The following DAB1 variants were observed in gnomAD, a reference collection of about 807,000 sequenced individuals.
DAB1 encodes the protein disabled homolog 1.
In DAB1, 15 loss-of-function variants were observed where a neutral mutation model predicts 64.6. The observed-to-expected ratio is 0.23, with a 90% CI of 0.16 to 0.36. DAB1 has a LOEUF of 0.36. DAB1 is among the 10% of genes least tolerant of loss of function. The pLI is 1.00. For synonymous variants in DAB1, 235 were observed against 251.9 expected (o/e 0.93, Z 0.64); for missense variants, 596 against 706.7 (o/e 0.84, Z 1.78).
intron 7 of DAB1, among the ~76,000 whole-genome samples, chr1:57,546,516 GT>G (rs896142153): frequency 6.6e-6 from 1 of 152,148 alleles, no homozygotes; most frequent in African/African-American, 2.4e-5. Flanking sequence ...TTGAGCCTTA[GT>G]TTTTTCATCT....
At chr1:57,224,934 C>T (rs1224258647) in intron 2 of DAB1, among the ~76,000 whole-genome samples, 1 of 152,282 alleles carries the variant, frequency 6.6e-6, no homozygotes, top group African/African-American at 2.4e-5. Flanking sequence ...AGTGGGCCTA[C>T]ATTAAAACAA....
At chr1:57,151,488 A>T (rs1659662578) in intron 2 of DAB1, among the ~76,000 whole-genome samples, 1 of 152,112 alleles carries the variant, frequency 6.6e-6, no homozygotes, top group African/African-American at 2.4e-5. Flanking sequence ...CAGGTTCCTA[A>T]ATCCCTTCCA....
intron 2 of DAB1, among the ~76,000 whole-genome samples, chr1:57,262,461 G>A (rs1484471839): frequency 6.6e-6 from 1 of 152,178 alleles, no homozygotes; most frequent in Non-Finnish European, 1.5e-5. Context: ...TTCCCCCAGA[G>A]CCACCCATGA....
intron 6 of DAB1, among the ~76,000 whole-genome samples, chr1:57,753,857 G>C (rs1239959247): frequency 6.6e-6 from 1 of 152,238 alleles, no homozygotes; most frequent in African/African-American, 2.4e-5. Context: ...AATGTTAGAA[G>C]TGCAACTTTT....
At position 57,787,859 on chromosome 1, in the gene DAB1, T is replaced by C. The variant is rs927351099; in HGVS notation, n.551+96140A>G. On this transcript the variant is annotated intron_variant and non_coding_transcript_variant, in intron 6 of 20. Coordinates refer to the DAB1 transcript ENST00000485760. The stretch of plus-strand genomic sequence containing the variant: ...TTTTTAAAATGAGGAAACAATTAAA[T>C]ATGTACTTCATCAGAAAAAGATGAG... 3.3e-5 allele frequency among the ~76,000 whole-genome samples: 5 copies of C among 152,152 alleles called. No individual in the cohort carries two copies. The South Asian group carries it at 1.0e-3, about 32-fold the overall frequency.
chr1:57,019,095 T>A (rs1557557400), intron 11 of DAB1, among the ~76,000 whole-genome samples: 1 of 152,210 alleles, frequency 6.6e-6, no homozygotes. Flanking sequence ...CTTGTCACAC[T>A]GCCTTGCAAT....
chr1:57,173,348 A>G (rs912524542), intron 2 of DAB1, among the ~76,000 whole-genome samples: 7 of 152,172 alleles, frequency 4.6e-5, no homozygotes, highest in African/African-American at 1.4e-4. Context: ...CCACATCTGA[A>G]CTCATGTGAT....
intron 2 of DAB1, among the ~76,000 whole-genome samples, chr1:58,512,074 A>T (rs1286627992): frequency 6.6e-6 from 1 of 152,178 alleles, no homozygotes; most frequent in Non-Finnish European, 1.5e-5. Context: ...AACCCAATTT[A>T]AAAAATAGGC....
intron 6 of DAB1, among the ~76,000 whole-genome samples, chr1:57,808,752 T>C (rs1651482423): frequency 1.3e-5 from 2 of 152,362 alleles, no homozygotes; most frequent in East Asian, 3.9e-4. Context: ...CAAAATGCTT[T>C]CACATGCGTT....
chr1:57,408,438 T>G (rs1318566942), intron 1 of DAB1, among the ~76,000 whole-genome samples: 3 of 152,170 alleles, frequency 2.0e-5, no homozygotes. Flanking sequence ...TCAATAAAGA[T>G]TCTCAGTAGC....
intron 5 of DAB1, among the ~76,000 whole-genome samples, chr1:57,923,201 C>T (rs1311715451): frequency 3.3e-5 from 5 of 152,020 alleles, no homozygotes; most frequent in Non-Finnish European, 1.5e-5. Context: ...TATAAAAGAG[C>T]TCAACCAGGA....
chr1:58,446,111 T>A (rs112234259), intron 3 of DAB1, among the ~76,000 whole-genome samples: 1 of 152,168 alleles, frequency 6.6e-6, no homozygotes, highest in Non-Finnish European at 1.5e-5. Flanking sequence ...ATTATTTAAA[T>A]TTACATATAT....
At chr1:58,493,620 A>G (rs1645740559) in intron 3 of DAB1, among the ~76,000 whole-genome samples, 1 of 151,448 alleles carries the variant, frequency 6.6e-6, no homozygotes, top group African/African-American at 2.4e-5. Flanking sequence ...TTATACACCA[A>G]TAACAGACAA....
chr1:58,253,408 G>A (rs1211379928), intron 4 of DAB1, among the ~76,000 whole-genome samples: 4 of 152,188 alleles, frequency 2.6e-5, no homozygotes, highest in African/African-American at 9.6e-5. Flanking sequence ...CCAATTTCCT[G>A]AGTGTAAATA....
At chr1:57,099,018 A>T (rs774080744) in intron 4 of DAB1, among the ~76,000 whole-genome samples, 18 of 152,180 alleles carry the variant, frequency 1.2e-4, no homozygotes, top group Non-Finnish European at 2.4e-4. Flanking sequence ...CAGTATCTTC[A>T]TCTGTAAAAC....
intron 5 of DAB1, among the ~76,000 whole-genome samples, chr1:58,064,379 C>A (rs1434680166): frequency 1.3e-5 from 2 of 152,178 alleles, no homozygotes; most frequent in Admixed American, 6.5e-5. Context: ...ATGGAGACCA[C>A]GTTTTAGCAT....
intron 3 of DAB1, among the ~76,000 whole-genome samples, chr1:58,432,628 G>A (rs1644892401): frequency 6.6e-6 from 1 of 152,170 alleles, no homozygotes; most frequent in Non-Finnish European, 1.5e-5. Flanking sequence ...TTACTTGCCT[G>A]CTGTCACTCC....
At chr1:58,172,392 A>G (rs1456228022) in intron 4 of DAB1, among the ~76,000 whole-genome samples, 1 of 152,206 alleles carries the variant, frequency 6.6e-6, no homozygotes, top group Non-Finnish European at 1.5e-5. Flanking sequence ...TATCAAAATA[A>G]TACAAGGAAA....
chr1:58,070,423 G>A (rs150772056), intron 5 of DAB1, among the ~76,000 whole-genome samples: 36 of 152,300 alleles, frequency 2.4e-4, no homozygotes, highest in African/African-American at 8.2e-4. Flanking sequence ...ACATACTTGC[G>A]ATTTGTAGGT....
Sources: gnomAD v4.1 joint callset for allele counts (sites outside exome capture counted in the v4.1 genomes callset) on GRCh38, gnomAD v4.1.1 for gene constraint, MANE v1.5 for transcripts, NCBI Gene and HGNC (gene_info 2026-07-23, HGNC 2026-07-21) for gene names.